TAF12: variants seen among roughly 807,000 people sequenced by gnomAD.
TAF12 encodes TATA-box binding protein associated factor 12.
A neutral mutation model predicts 20.8 loss-of-function variants in TAF12; 3 were observed. That is an observed-to-expected ratio of 0.14 (90% CI 0.07 to 0.37). The LOEUF (loss-of-function observed/expected upper bound fraction) is 0.37, where lower values mean the gene tolerates loss of function less well. TAF12 is among the 10% of genes least tolerant of loss of function. The pLI, the probability that TAF12 is intolerant of heterozygous loss-of-function variation, is 1.00. For synonymous variants in TAF12, 69 were observed against 70.2 expected (o/e 0.98, Z 0.09); for missense variants, 131 against 197.9 (o/e 0.66, Z 2.03).
chr1:28,623,371 A>G (rs1488542610), intron 1 of TAF12, among the ~76,000 whole-genome samples: 1 of 152,134 alleles, frequency 6.6e-6, no homozygotes, highest in Non-Finnish European at 1.5e-5. Context: ...AAAACACAAA[A>G]TTAGCCGGGC....
chr1:28,620,348 G>A (rs1221139861), intron 2 of TAF12, among the ~76,000 whole-genome samples: 1 of 151,884 alleles, frequency 6.6e-6, no homozygotes, highest in Non-Finnish European at 1.5e-5. Flanking sequence ...TGGCCAGGCT[G>A]GTCTCGAACT....
At chr1:28,624,076 C>A in intron 1 of TAF12, 1 of 926,650 alleles carries the variant, frequency 1.1e-6, no homozygotes, top group African/African-American at 1.8e-5. Context: ...GCCATGGAAC[C>A]ATTTTAGTTG....
At chr1:28,628,610 C>A (rs1017142332) in intron 1 of TAF12, among the ~76,000 whole-genome samples, 6 of 149,954 alleles carry the variant, frequency 4.0e-5, no homozygotes, top group African/African-American at 7.4e-5. Context: ...AAAAAAAAAA[C>A]CCACAGAATT....
rs1003921325 is a variant in TAF12 at position 28,625,356 on chromosome 1, T to C, written c.-84-3191A>G. Among the ~76,000 whole-genome samples, 22 of 151,904 alleles carry C rather than the reference T, an allele frequency of 1.4e-4. 1 individual carries two copies. ...GACTTTCAGGTCAGTCTGGGCAACA[T>C]AGTGAGACACTGTCCCTTTCTCTCT... is the stretch of plus-strand genomic sequence containing the variant. On this transcript the variant is annotated intron_variant, in intron 1 of 5. Coordinates refer to ENST00000373824, the MANE Select transcript of TAF12 (RefSeq NM_005644.4).
At chr1:28,621,346 A>G (rs1667215848) in intron 2 of TAF12, among the ~76,000 whole-genome samples, 1 of 152,210 alleles carries the variant, frequency 6.6e-6, no homozygotes, top group Non-Finnish European at 1.5e-5. Context: ...AATTATGGGT[A>G]GAAAGAATGG....
At chr1:28,618,060 C>T (rs368069825) in intron 2 of TAF12, 30 bp from the exon 3 acceptor site, 8 of 1,583,406 alleles carry the variant, frequency 5.1e-6, no homozygotes, top group Non-Finnish European at 6.1e-6. Context: ...GACTTTTCAA[C>T]CAGATATTAA....
intron 1 of TAF12, among the ~76,000 whole-genome samples, chr1:28,631,527 C>CA (rs969661425): frequency 1.9e-4 from 28 of 145,148 alleles, no homozygotes; most frequent in South Asian, 6.6e-4. Context: ...TCCTTCTCTC[C>CA]AAAAAAAAAG....
chr1:28,637,119 A>G (rs1280853308), intron 1 of TAF12, among the ~76,000 whole-genome samples: 1 of 152,188 alleles, frequency 6.6e-6, no homozygotes, highest in Non-Finnish European at 1.5e-5. Flanking sequence ...AAAAATGGTA[A>G]CAAGTGGTCA....
intron 2 of TAF12, 147 bp downstream of exon 2, chr1:28,621,767 A>G (rs1667227655): frequency 1.6e-6 from 2 of 1,269,694 alleles, no homozygotes; most frequent in Non-Finnish European, 2.1e-6. Context: ...TAAAACAAAC[A>G]AAAAAAGTTA....
chr1:28,644,050 C>CA (rs754009751), upstream of TAF12, among the ~76,000 whole-genome samples: 4,105 of 94,530 alleles, frequency 0.043, 104 homozygotes, highest in African/African-American at 0.12. Flanking sequence ...GACTCTGTCT[C>CA]AAAAAAAAAA....
chr1:28,617,922 C>G, intron 3 of TAF12, 31 bp downstream of exon 3: 1 of 1,608,596 alleles, frequency 6.2e-7, no homozygotes, highest in Non-Finnish European at 8.5e-7. Flanking sequence ...TTCTCAGGGA[C>G]CAGTTTCTGG....
chr1:28,638,493 T>A (rs1394761024), intron 1 of TAF12, among the ~76,000 whole-genome samples: 1 of 137,394 alleles, frequency 7.3e-6, no homozygotes, highest in Non-Finnish European at 1.6e-5. Context: ...CCGGCCTAAT[T>A]TTTTTTTTTT....
chr1:28,603,534 G>T lies in TAF12; in HGVS notation c.*5C>A. On this transcript the variant is annotated 3_prime_UTR_variant, in exon 6 of 6. Coordinates refer to ENST00000373824, the MANE Select transcript of TAF12 (RefSeq NM_005644.4). The stretch of plus-strand genomic sequence containing the variant: ...TTGCTGTCCATTCCCTGACCTTTCC[G>T]TGTGTTATTTCTTGGTTGTTTTCCG... The T allele has an allele frequency of 3.1e-6, 5 of 1,613,590 alleles. No individual in the cohort carries two copies. The highest frequency in any genetic ancestry group is 4.2e-6 in the Non-Finnish European group (5 of 1,179,924).
rs191969129 is a variant in TAF12, at chr1:28,638,671, A to G, written c.-85+4321T>C. Reference sequence around the variant, plus strand: ...CAGCTGATTTTTATATTTTTAGTAGAGACGGGGTTTTACCATGTTGGCCAG... The same window carrying G: ...CAGCTGATTTTTATATTTTTAGTAGGGACGGGGTTTTACCATGTTGGCCAG... On this transcript the variant is annotated intron_variant, in intron 1 of 5. Coordinates refer to ENST00000373824, the MANE Select transcript of TAF12 (RefSeq NM_005644.4). Among the ~76,000 whole-genome samples, 15 of 148,002 alleles carry G rather than the reference A, an allele frequency of 1.0e-4. No homozygotes were observed. The Admixed American group carries it at 1.0e-3, about 10-fold the overall frequency.
intron 1 of TAF12, among the ~76,000 whole-genome samples, chr1:28,638,409 G>T (rs1293887817): frequency 6.6e-6 from 1 of 151,316 alleles, no homozygotes; most frequent in Non-Finnish European, 1.5e-5. Flanking sequence ...GGCTGGTCTC[G>T]AACTCCCAAC....
At position 28,621,946 on chromosome 1, in the gene TAF12, C is replaced by G. The variant is rs755657743; in HGVS notation, c.136G>C (p.Ala46Pro). 1 of 1,613,738 alleles carries G rather than the reference C, an allele frequency of 6.2e-7. No homozygotes were observed. ...TTTTCAGGGCTAAGACGACCTCCTG[C>G]CCCAGGAGTGCCTGGTATCTTTACC... ...AVVKIPGTPGAGGRLSPENNQ... is the reference protein window; with the variant it reads ...AVVKIPGTPGPGGRLSPENNQ... The change falls in exon 2 of 6, where the codon GCA (alanine) becomes CCA (proline). Residue 46 changes from alanine (A) to proline (P), a missense_variant. Ala to Pro is a conservative substitution (Grantham distance 27, BLOSUM62 -1). Coordinates refer to ENST00000373824, the MANE Select transcript of TAF12 (RefSeq NM_005644.4).
chr1:28,614,567 C>T (rs1176500447), intron 3 of TAF12, among the ~76,000 whole-genome samples: 2 of 151,900 alleles, frequency 1.3e-5, no homozygotes. Flanking sequence ...TCTGTAATCC[C>T]AGCTACTCTG....
chr1:28,606,339 A>G (rs1290437070), intron 4 of TAF12, among the ~76,000 whole-genome samples: 1 of 151,532 alleles, frequency 6.6e-6, no homozygotes, highest in East Asian at 2.0e-4. Context: ...GGGTTTCACC[A>G]TGTTAGCCAG....
At chr1:28,614,776 G>A (rs549333197) in intron 3 of TAF12, among the ~76,000 whole-genome samples, 7 of 152,120 alleles carry the variant, frequency 4.6e-5, no homozygotes, top group Admixed American at 3.9e-4. Context: ...ATTATTATTG[G>A]ACTGTGTGAA....
Sources: gnomAD v4.1 joint callset for allele counts (sites outside exome capture counted in the v4.1 genomes callset) on GRCh38, gnomAD v4.1.1 for gene constraint, MANE v1.5 for transcripts, NCBI Gene and HGNC (gene_info 2026-07-23, HGNC 2026-07-21) for gene names.